BCAT1: variants seen among roughly 807,000 people sequenced by gnomAD.
The protein encoded by BCAT1 is branched-chain-amino-acid aminotransferase, cytosolic.
Under a neutral mutation model 52.4 loss-of-function variants are expected in BCAT1, and 48 were observed. The ratio of observed to expected loss-of-function variants is 0.92; its 90% confidence interval spans 0.73 to 1.16. BCAT1 has a LOEUF of 1.16. Among genes scored for constraint, BCAT1 ranks in the 50% most tolerant of loss-of-function variants. BCAT1 has a pLI of 0.00. For missense variants in BCAT1, 451 were observed against 457.1 expected, an observed-to-expected ratio of 0.99 and a Z score of 0.12; for synonymous variants, 167 against 161.3, an observed-to-expected ratio of 1.04 and a Z score of -0.27.
chr12:24,887,763 C>T (rs959927832), intron 3 of BCAT1, among the ~76,000 whole-genome samples: 2 of 152,160 alleles, frequency 1.3e-5, no homozygotes, highest in African/African-American at 4.8e-5. Flanking sequence ...AAATGAAGTG[C>T]CTATTATCAA....
At chr12:24,871,922 A>C (rs1184388508) in intron 5 of BCAT1, among the ~76,000 whole-genome samples, 1 of 152,242 alleles carries the variant, frequency 6.6e-6, no homozygotes, top group Admixed American at 6.5e-5. Flanking sequence ...AGTTATGCAA[A>C]TAAAACTGAA....
chr12:24,879,748 C>T (rs16928149), intron 4 of BCAT1, among the ~76,000 whole-genome samples: 3,254 of 152,294 alleles, frequency 0.021, 47 homozygotes, highest in East Asian at 0.053. Flanking sequence ...CTCTTTGTGA[C>T]TTCAGACAAG....
chr12:24,928,157 G>A (rs1025849887), intron 1 of BCAT1, among the ~76,000 whole-genome samples: 10 of 152,230 alleles, frequency 6.6e-5, no homozygotes, highest in Non-Finnish European at 7.3e-5. Context: ...ACTGGAAACT[G>A]AGTCACATAG....
intron 2 of BCAT1, among the ~76,000 whole-genome samples, chr12:24,895,292 C>T (rs1024486373): frequency 3.9e-5 from 6 of 152,002 alleles, no homozygotes; most frequent in African/African-American, 1.5e-4. Flanking sequence ...TTTGGGAAGC[C>T]GAGGCATGCA....
chr12:24,886,872 T>G (rs1265963646), intron 3 of BCAT1, among the ~76,000 whole-genome samples: 1 of 145,740 alleles, frequency 6.9e-6, no homozygotes, highest in Non-Finnish European at 1.5e-5. Flanking sequence ...GTGGCTCACA[T>G]GCCAACATGG....
chr12:24,947,786 T>C (rs1327011998), intron 1 of BCAT1, among the ~76,000 whole-genome samples: 1 of 152,246 alleles, frequency 6.6e-6, no homozygotes, highest in East Asian at 1.9e-4. Flanking sequence ...TTTTCTCCTT[T>C]TACTTACTAA....
intron 7 of BCAT1, among the ~76,000 whole-genome samples, chr12:24,838,514 T>TACACAC (rs35693867): frequency 6.6e-6 from 1 of 150,932 alleles, no homozygotes; most frequent in Non-Finnish European, 1.5e-5. Flanking sequence ...TATATATATG[T>TACACAC]ACACACACAC....
At chr12:24,830,041 A>T in intron 9 of BCAT1, 144 bp from the exon 10 acceptor site, 2 of 528,854 alleles carry the variant, frequency 3.8e-6, no homozygotes, top group Non-Finnish European at 3.2e-6. Context: ...TCTGAGTGCT[A>T]GCACCTTATG....
At chr12:24,917,069 C>G (rs1006375479) in intron 1 of BCAT1, among the ~76,000 whole-genome samples, 2 of 152,052 alleles carry the variant, frequency 1.3e-5, no homozygotes, top group African/African-American at 4.8e-5. Flanking sequence ...AGTAATGTTT[C>G]AAACAAAAAC....
At chr12:24,922,572 AT>A (rs1943513108) in intron 1 of BCAT1, among the ~76,000 whole-genome samples, 2 of 152,180 alleles carry the variant, frequency 1.3e-5, no homozygotes, top group African/African-American at 4.8e-5. Flanking sequence ...ACTATAATTT[AT>A]TACAGGATAA....
chr12:24,819,822 C>G (rs940574445), intron 10 of BCAT1, among the ~76,000 whole-genome samples: 22 of 152,158 alleles, frequency 1.4e-4, no homozygotes, highest in Non-Finnish European at 2.9e-4. Context: ...CTTGCATAAT[C>G]CACACCAGAA....
intron 1 of BCAT1, among the ~76,000 whole-genome samples, chr12:24,910,714 T>G (rs1364688981): frequency 6.6e-6 from 1 of 152,204 alleles, no homozygotes; most frequent in Non-Finnish European, 1.5e-5. Flanking sequence ...TTTTAAAGTC[T>G]TCTTGATGAT....
At chr12:24,931,815 A>G (rs1397446922) in intron 1 of BCAT1, among the ~76,000 whole-genome samples, 1 of 152,192 alleles carries the variant, frequency 6.6e-6, no homozygotes, top group Non-Finnish European at 1.5e-5. Flanking sequence ...AAGTAAAGTA[A>G]AAAGGAGAAC....
At chr12:24,869,956 G>A (rs1942133839) in intron 5 of BCAT1, among the ~76,000 whole-genome samples, 1 of 152,136 alleles carries the variant, frequency 6.6e-6, no homozygotes, top group Admixed American at 6.5e-5. Flanking sequence ...TGTAAAAAGA[G>A]AGATAATGTA....
chr12:24,929,013 G>A (rs190775800), intron 1 of BCAT1, among the ~76,000 whole-genome samples: 3 of 151,916 alleles, frequency 2.0e-5, no homozygotes, highest in East Asian at 3.9e-4. Context: ...TGCCCGCCTC[G>A]GCCTCCCAAA....
intron 1 of BCAT1, among the ~76,000 whole-genome samples, chr12:24,925,781 G>C (rs955289532): frequency 6.6e-6 from 1 of 152,186 alleles, no homozygotes; most frequent in African/African-American, 2.4e-5. Flanking sequence ...TGGTGGAGAC[G>C]GGGTTTCGCT....
At chr12:24,832,623 T>A (rs16928089) in intron 9 of BCAT1, 100 bp downstream of exon 9, 175,301 of 1,344,182 alleles carry the variant, frequency 0.13, 11,940 homozygotes, top group Middle Eastern at 0.21. Context: ...AACTTTTGCA[T>A]CTTGGGTCTG....
chr12:24,886,214 T>C (rs1443333572), intron 3 of BCAT1, among the ~76,000 whole-genome samples: 1 of 152,120 alleles, frequency 6.6e-6, no homozygotes, highest in East Asian at 1.9e-4. Context: ...GCCCAGGAGT[T>C]CGAGACCAGC....
At chr12:24,942,378 TA>T (rs1418710233) in intron 1 of BCAT1, among the ~76,000 whole-genome samples, 1 of 151,988 alleles carries the variant, frequency 6.6e-6, no homozygotes, top group Non-Finnish European at 1.5e-5. Context: ...CCGTCTCTAC[TA>T]AAAATACAAA....
Sources: gnomAD v4.1 joint callset for allele counts (sites outside exome capture counted in the v4.1 genomes callset) on GRCh38, gnomAD v4.1.1 for gene constraint, MANE v1.5 for transcripts, NCBI Gene and HGNC (gene_info 2026-07-23, HGNC 2026-07-21) for gene names.